LRRC61: variants seen among roughly 807,000 people sequenced by gnomAD.
The protein encoded by LRRC61 is leucine-rich repeat-containing protein 61.
In LRRC61, 9 loss-of-function variants were observed where a neutral mutation model predicts 15.1. That is an observed-to-expected ratio of 0.60 (90% CI 0.36 to 1.04). LRRC61 has a LOEUF of 1.04. Ranked by LOEUF, LRRC61 falls within the 50% of genes least tolerant of loss-of-function variation. The probability of loss-of-function intolerance (pLI) is 0.01; values close to 1 mark genes in which losing one functional copy is unlikely to be tolerated. For synonymous variants in LRRC61, 173 were observed against 158.6 expected (o/e 1.09, Z -0.68); for missense variants, 344 against 335.6 (o/e 1.03, Z -0.20).
chr7:150,325,237 A>G (rs1365687022), intron 1 of LRRC61, among the ~76,000 whole-genome samples: 1 of 151,808 alleles, frequency 6.6e-6, no homozygotes, highest in Non-Finnish European at 1.5e-5. Flanking sequence ...TTGTGCCATC[A>G]CCCCGCCCTG....
chr7:150,311,744 T>C, the LRRC61 span, among the ~76,000 whole-genome samples: 1 of 152,358 alleles, frequency 6.6e-6, no homozygotes, highest in African/African-American at 2.4e-5. Flanking sequence ...TCTCGCCAGC[T>C]AAAGCTGGTG....
chr7:150,325,241 C>T (rs540412046), intron 1 of LRRC61, among the ~76,000 whole-genome samples: 4 of 152,226 alleles, frequency 2.6e-5, no homozygotes, highest in Admixed American at 6.5e-5. Context: ...GCCATCACCC[C>T]GCCCTGCCGT....
chr7:150,321,776 G>C, upstream of LRRC61, among the ~76,000 whole-genome samples: 1 of 152,286 alleles, frequency 6.6e-6, no homozygotes, highest in East Asian at 1.9e-4. Flanking sequence ...CTTGGATAAA[G>C]TGTAAAGATA....
chr7:150,316,543 T>C, the LRRC61 span, among the ~76,000 whole-genome samples: 1 of 144,490 alleles, frequency 6.9e-6, no homozygotes, highest in South Asian at 2.2e-4. Context: ...GGGAGTGCAG[T>C]GGCGCGATCT....
At position 150,336,741 on chromosome 7, in the gene LRRC61, C is replaced by G; in HGVS notation, c.-121C>G. 4 of 1,350,156 alleles carry G rather than the reference C, an allele frequency of 3.0e-6. No homozygotes were observed. The highest frequency in any genetic ancestry group is 4.0e-6 in the Non-Finnish European group (4 of 996,780). 83.6% of individuals were successfully genotyped at this position (1,350,156 alleles called of 1,614,324 possible). On this transcript the variant is annotated 5_prime_UTR_variant, in exon 3 of 3. Transcript: ENST00000359623. ...AGGGACTGGCTGGCTTCGAGCAGGG[C>G]ATCGGAACCAGGCCTCCTGGCACTG...
rs2129618016 is a variant in LRRC61, at chr7:150,323,901, T to C, written c.-315+341T>C. On this transcript the variant is annotated intron_variant, in intron 1 of 2. Transcript: ENST00000359623. ...CTCTGGATGCCATGCTCTGACTCCA[T>C]TGTTAGCCCTAAGCTTCCAGAAAGT... is the stretch of plus-strand genomic sequence containing the variant. 1.3e-5 allele frequency among the ~76,000 whole-genome samples: 2 copies of C among 152,354 alleles called. 1 individual carries two copies. The highest frequency in any genetic ancestry group is 4.1e-4 in the South Asian group (2 of 4,826).
In LRRC61 at chr7:150,324,865, C is replaced by T. The variant is rs940449; in HGVS notation, c.-314-976C>T. On this transcript the variant is annotated intron_variant, in intron 1 of 2. Coordinates refer to ENST00000359623, the MANE Select transcript of LRRC61 (RefSeq NM_001142928.2). ...GCTTCTCCCCCACTTCCTGCTGTAC[C>T]GCCCACTGAAGGGACCTTTGACCCC... Among the ~76,000 whole-genome samples, 611 of 152,264 alleles carry T rather than the reference C, an allele frequency of 4.0e-3. 3 individuals are homozygous for T. Among genetic ancestry groups the T allele is most frequent in the African/African-American group, 0.012 (494 of 41,536 alleles).
chr7:150,328,482 C>T (rs896397580), intron 2 of LRRC61, among the ~76,000 whole-genome samples: 1 of 152,182 alleles, frequency 6.6e-6, no homozygotes, highest in Non-Finnish European at 1.5e-5. Context: ...CAGACAGATA[C>T]AGGAACTAGA....
rs545915459 is a variant in LRRC61 at position 150,333,769 on chromosome 7, G to A, written c.-144-2949G>A. Among the ~76,000 whole-genome samples the A allele has an allele frequency of 6.6e-6, 1 of 152,296 alleles. No individual in the cohort carries two copies. The highest frequency in any genetic ancestry group is 2.4e-5 in the African/African-American group (1 of 41,566). On this transcript the variant is annotated intron_variant, in intron 2 of 2. Coordinates refer to ENST00000359623, the MANE Select transcript of LRRC61 (RefSeq NM_001142928.2). The surrounding 1 kb of genome is among the most constrained non-coding windows in gnomAD (Gnocchi z 4.3). The stretch of plus-strand genomic sequence containing the variant: ...GGAGTGCTGAAGCAGGTGGACGTGC[G>A]GGAAGCCATCCTCCTTGTGTCTGCG...
rs11538922 is a variant in LRRC61, at chr7:150,338,094, C to T, written c.*453C>T. The T allele has an allele frequency of 0.24, 123,713 of 521,792 alleles. 15,415 individuals carry two copies. The highest frequency in any genetic ancestry group is 0.29 in the East Asian group (4,376 of 15,078). 32.3% of individuals were successfully genotyped at this position (521,792 alleles called of 1,614,324 possible). On this transcript the variant is annotated 3_prime_UTR_variant, in exon 3 of 3. Coordinates refer to ENST00000359623, the MANE Select transcript of LRRC61 (RefSeq NM_001142928.2). The stretch of plus-strand genomic sequence containing the variant: ...ACTGCTCCTGCACTTACCCCCTCCC[C>T]GCAGCACCTTCTCTGCCCGTTCTTG...
In LRRC61 at chr7:150,333,784, T is replaced by C. The variant is rs1335011673; in HGVS notation, c.-144-2934T>C. Among the ~76,000 whole-genome samples the C allele has an allele frequency of 6.6e-6, 1 of 152,190 alleles. No homozygotes were observed. The highest frequency in any genetic ancestry group is 6.5e-5 in the Admixed American group (1 of 15,278). Reference sequence around the variant, plus strand: ...GTGGACGTGCGGGAAGCCATCCTCCTTGTGTCTGCGGGCAGCCTGATGGTT... The same window carrying C: ...GTGGACGTGCGGGAAGCCATCCTCCCTGTGTCTGCGGGCAGCCTGATGGTT... On this transcript the variant is annotated intron_variant, in intron 2 of 2. Transcript: ENST00000359623. This position sits in a 1 kb window ranked among gnomAD's most constrained non-coding sequence, Gnocchi z 4.3.
In LRRC61 at chr7:150,337,428, A is replaced by G; in HGVS notation, c.567A>G (p.Pro189=). 1 of 1,605,152 alleles carries G rather than the reference A, an allele frequency of 6.2e-7. No individual in the cohort carries two copies. The highest frequency in any genetic ancestry group is 8.5e-7 in the Non-Finnish European group (1 of 1,179,896). Residue 189 remains proline, a synonymous_variant, in exon 3 of 3, where the codon CCA becomes CCG. Coordinates refer to ENST00000359623, the MANE Select transcript of LRRC61 (RefSeq NM_001142928.2). ...LDSSLRPSSS[P]GPRATEAQPW... is the part of the protein sequence containing the mutation. The stretch of plus-strand genomic sequence containing the variant: ...GCTCCTTGCGTCCCAGCTCCAGTCC[A>G]GGCCCCAGAGCCACCGAGGCCCAGC...
chr7:150,315,042 A>G, the LRRC61 span, among the ~76,000 whole-genome samples: 1 of 147,338 alleles, frequency 6.8e-6, no homozygotes, highest in East Asian at 1.9e-4. Context: ...TAATATTAAT[A>G]ATTACTTTTA....
At chr7:150,326,359 C>T (rs1461661824) in intron 2 of LRRC61, among the ~76,000 whole-genome samples, 1 of 152,056 alleles carries the variant, frequency 6.6e-6, no homozygotes, top group Non-Finnish European at 1.5e-5. Context: ...GATTGGTGTC[C>T]TGGGGTAACT....
chr7:150,331,370 T>C (rs1798104801), intron 2 of LRRC61: 1 of 433,090 alleles, frequency 2.3e-6, no homozygotes, highest in Admixed American at 3.9e-5. Flanking sequence ...AGCCCCTGCC[T>C]GTAATAGGTC....
the LRRC61 span, among the ~76,000 whole-genome samples, chr7:150,310,278 G>A: frequency 2.6e-5 from 4 of 152,040 alleles, no homozygotes; most frequent in East Asian, 3.9e-4. Flanking sequence ...TCTGGCAACC[G>A]ACCATGCACC....
rs374726542 is a variant in LRRC61, at chr7:150,337,278, G to A, written c.417G>A (p.Pro139=). ...ACCCTTTGGCCCGGCTCAGCAACCC[G>A]CTCTGTGCCAACCCCTCCTACTGGG... ...LRDPLARLSN[P]LCANPSYWAA... The change falls in exon 3 of 3, where the codon CCG becomes CCA. Residue 139 remains proline (P), a synonymous_variant. Coordinates refer to ENST00000359623, the MANE Select transcript of LRRC61 (RefSeq NM_001142928.2). 25 of 1,603,426 alleles carry A rather than the reference G, an allele frequency of 1.6e-5. No homozygotes were observed. The highest frequency in any genetic ancestry group is 3.3e-4 in the Middle Eastern group (2 of 6,082).
chr7:150,315,708 T>A, the LRRC61 span, among the ~76,000 whole-genome samples: 6 of 152,226 alleles, frequency 3.9e-5, no homozygotes, highest in Non-Finnish European at 8.8e-5. Context: ...AGTTCTTGTA[T>A]GTCTTTTCCA....
rs1009388038 is a variant in LRRC61 at position 150,337,986 on chromosome 7, T to C, written c.*345T>C. 4.5e-5 allele frequency: 19 copies of C among 420,260 alleles called. No homozygotes were observed. The highest frequency in any genetic ancestry group is 7.4e-4 in the Middle Eastern group (1 of 1,356). The allele number at this position is 420,260 out of a possible 1,614,324, so 26.0% of individuals were successfully genotyped here. ...GGATGGGCCAGCCTCCCGTCTCAGCTGTTGGGAGACAGTAGGCAGGCTGAG... is the reference window on the plus strand; with the variant it reads ...GGATGGGCCAGCCTCCCGTCTCAGCCGTTGGGAGACAGTAGGCAGGCTGAG... On this transcript the variant is annotated 3_prime_UTR_variant, in exon 3 of 3. Coordinates refer to ENST00000359623, the MANE Select transcript of LRRC61 (RefSeq NM_001142928.2).
Sources: allele counts gnomAD v4.1 joint callset (sites outside exome capture counted in the v4.1 genomes callset), GRCh38; gene constraint gnomAD v4.1.1; non-coding constraint Gnocchi (gnomAD v3.1); transcripts MANE v1.5; gene names NCBI Gene and HGNC (gene_info 2026-07-23, HGNC 2026-07-21).